UPRT: variants seen among roughly 807,000 people sequenced by gnomAD.
UPRT encodes uracil phosphoribosyltransferase homolog, also known as RP11-311P8.3.
UPRT carries 5 observed loss-of-function variants against 22.6 expected under a neutral mutation model. The observed-to-expected ratio is 0.22, with a 90% CI of 0.12 to 0.47. The LOEUF is 0.47. UPRT is among the 20% of genes least tolerant of loss of function. The probability of loss-of-function intolerance (pLI) is 0.99; values close to 1 mark genes in which losing one functional copy is unlikely to be tolerated. For missense variants in UPRT, 181 were observed against 239.9 expected, an observed-to-expected ratio of 0.75 and a Z score of 1.62; for synonymous variants, 77 against 87.7, an observed-to-expected ratio of 0.88 and a Z score of 0.68.
At chrX:75,289,117 G>T (rs929394628) in intron 1 of UPRT, among the ~76,000 whole-genome samples, 1 of 110,908 alleles carries the variant, frequency 9.0e-6, no homozygotes, top group Non-Finnish European at 1.9e-5. Context: ...GCCAAAGCAG[G>T]AGGATCACTT....
chrX:75,188,906 G>A lies in UPRT; in HGVS notation c.-447+21027G>A, dbSNP rs765130408. 3.1e-3 allele frequency among the ~76,000 whole-genome samples: 342 copies of A among 111,425 alleles called. 1 individual carries two copies. Among genetic ancestry groups the A allele is most frequent in the African/African-American group, 0.01 (308 of 30,638 alleles). ...CTCGCACGCGCACCCACTGACCTGC[G>A]CCTACTGTCTGGCACTCCCTAGTGA... is the stretch of plus-strand genomic sequence containing the variant. On this transcript the variant is annotated intron_variant, in intron 4 of 13. Coordinates refer to the UPRT transcript ENST00000652605.
chrX:75,263,557 G>C (rs948515042), intron 4 of UPRT, among the ~76,000 whole-genome samples: 4 of 111,416 alleles, frequency 3.6e-5, no homozygotes, highest in Non-Finnish European at 5.7e-5. Context: ...TGTGGGATCG[G>C]TGGTGATATA....
chrX:75,283,328 C>T (rs1270542965), intron 1 of UPRT, among the ~76,000 whole-genome samples: 1 of 110,799 alleles, frequency 9.0e-6, no homozygotes, highest in Admixed American at 9.5e-5. Flanking sequence ...TCTTTGTTGT[C>T]TATGTACTGT....
At chrX:75,177,474 C>A (rs1055458140) in intron 4 of UPRT, among the ~76,000 whole-genome samples, 1 of 110,224 alleles carries the variant, frequency 9.1e-6, no homozygotes, top group Non-Finnish European at 1.9e-5. Context: ...TGGCCCTTAC[C>A]GACGCATTCT....
intron 1 of UPRT, among the ~76,000 whole-genome samples, chrX:75,292,361 G>A (rs1477580425): frequency 9.0e-6 from 1 of 111,571 alleles, no homozygotes; most frequent in Non-Finnish European, 1.9e-5. Flanking sequence ...TGAGTTTAAG[G>A]AATTTTTGTA....
chrX:75,270,806 G>T (rs1371442966), upstream of UPRT, among the ~76,000 whole-genome samples: 1 of 111,250 alleles, frequency 9.0e-6, no homozygotes, highest in Non-Finnish European at 1.9e-5. Flanking sequence ...CGTAATGTAG[G>T]CGATGGGTTG....
At chrX:75,197,712 C>T (rs1348889576) in intron 4 of UPRT, among the ~76,000 whole-genome samples, 1 of 111,375 alleles carries the variant, frequency 9.0e-6, no homozygotes, top group Non-Finnish European at 1.9e-5. Context: ...TCTATAGAAG[C>T]CCAATAAGAC....
Position 75,217,956 on chromosome X carries a change from C to T in UPRT, c.-447+50077C>T, listed in dbSNP as rs1397220823. ...ACCCTAGAAGAAAACCTAGGCATTA[C>T]CATTCAGGACATAGGCATGGGCAAG... On this transcript the variant is annotated intron_variant, in intron 4 of 13. Transcript: ENST00000652605. Among the ~76,000 whole-genome samples, 13 of 111,541 alleles carry T rather than the reference C, an allele frequency of 1.2e-4. 1 individual carries two copies. Among genetic ancestry groups the T allele is most frequent in the Non-Finnish European group, 2.3e-4 (12 of 53,023 alleles).
At chrX:75,291,052 C>G (rs2082705025) in intron 1 of UPRT, among the ~76,000 whole-genome samples, 1 of 111,699 alleles carries the variant, frequency 9.0e-6, no homozygotes, top group African/African-American at 3.2e-5. Flanking sequence ...AAATGACTGC[C>G]TTTGGCGTTT....
At chrX:75,167,877 T>C (rs776652501) in exon 4 of UPRT, among the ~76,000 whole-genome samples, 6 of 111,261 alleles carry the variant, frequency 5.4e-5, no homozygotes, top group East Asian at 5.7e-4. Flanking sequence ...CAAGTACAAA[T>C]TGGTAAGTGT....
intron 4 of UPRT, among the ~76,000 whole-genome samples, chrX:75,179,258 T>C (rs1387904290): frequency 1.8e-5 from 2 of 111,745 alleles, no homozygotes; most frequent in African/African-American, 6.6e-5. Context: ...GGGTGCTGAT[T>C]GGTGTATTTA....
chrX:75,233,036 GA>G (rs926193150), intron 4 of UPRT, among the ~76,000 whole-genome samples: 2 of 111,496 alleles, frequency 1.8e-5, no homozygotes, highest in Non-Finnish European at 3.8e-5. Flanking sequence ...TGAAAACTTT[GA>G]AAAAAATTAA....
intron 4 of UPRT, among the ~76,000 whole-genome samples, chrX:75,187,273 C>G (rs1364281368): frequency 9.0e-6 from 1 of 111,063 alleles, no homozygotes; most frequent in East Asian, 2.8e-4. Context: ...ATTTCTCCTT[C>G]ACTTATGAAG....
rs41307252 is a variant in UPRT, at chrX:75,304,775, A to G, written c.*1264A>G. 2.4e-3 allele frequency among the ~76,000 whole-genome samples: 265 copies of G among 109,880 alleles called. 3 individuals are homozygous for G. Among genetic ancestry groups the G allele is most frequent in the Non-Finnish European group, 3.1e-3 (160 of 52,339 alleles). On this transcript the variant is annotated 3_prime_UTR_variant, in exon 7 of 7. Coordinates refer to ENST00000373383, the MANE Select transcript of UPRT (RefSeq NM_145052.4). Reference sequence around the variant, plus strand: ...GGAAGCCTGGTGTAGATTGGATTATATTTTTCCTTTGGGGACTAGAATACT... The same window carrying G: ...GGAAGCCTGGTGTAGATTGGATTATGTTTTTCCTTTGGGGACTAGAATACT...
chrX:75,302,527 G>C (rs1289842888), intron 6 of UPRT, among the ~76,000 whole-genome samples: 2 of 111,059 alleles, frequency 1.8e-5, no homozygotes, highest in South Asian at 3.8e-4. Context: ...TGTGATTCTA[G>C]TGCTGTTATT....
chrX:75,230,249 G>A (rs2082434166), intron 4 of UPRT, among the ~76,000 whole-genome samples: 1 of 111,225 alleles, frequency 9.0e-6, no homozygotes, highest in Non-Finnish European at 1.9e-5. Context: ...ACTCAAAGTG[G>A]CCAGAGCAAG....
At chrX:75,282,981 A>T (rs2082664628) in intron 1 of UPRT, among the ~76,000 whole-genome samples, 1 of 111,811 alleles carries the variant, frequency 8.9e-6, no homozygotes, top group Admixed American at 9.5e-5. Flanking sequence ...TATGTTTAAG[A>T]TTGTGATAGT....
chrX:75,193,445 A>C (rs1461261674), intron 4 of UPRT, among the ~76,000 whole-genome samples: 1 of 110,864 alleles, frequency 9.0e-6, no homozygotes, highest in African/African-American at 3.3e-5. Flanking sequence ...ATGTGTCTTG[A>C]GGATGGTCTT....
intron 1 of UPRT, 53 bp from the exon 2 acceptor site, chrX:75,293,417 AAC>A (rs1420917044): frequency 9.1e-7 from 1 of 1,104,034 alleles, no homozygotes; most frequent in African/African-American, 1.9e-5. Flanking sequence ...CATATTAAAT[AAC>A]ATTTTGCCTT....
Sources: gnomAD v4.1 joint callset for allele counts (sites outside exome capture counted in the v4.1 genomes callset) on GRCh38, gnomAD v4.1.1 for gene constraint, MANE v1.5 for transcripts, NCBI Gene and HGNC (gene_info 2026-07-23, HGNC 2026-07-21) for gene names.